The following NAV2 variants were observed in gnomAD, a reference collection of about 807,000 sequenced individuals.
The protein encoded by NAV2 is helicase, APC down-regulated 1.
In NAV2, 54 loss-of-function variants were observed where a neutral mutation model predicts 223.2. That is an observed-to-expected ratio of 0.24 (90% CI 0.19 to 0.30). The LOEUF (loss-of-function observed/expected upper bound fraction) is 0.30. NAV2 is among the 10% of genes least tolerant of loss of function. The pLI is 1.00. For missense variants in NAV2, 2,806 were observed against 3,147.5 expected, an observed-to-expected ratio of 0.89 and a Z score of 2.60; for synonymous variants, 1,279 against 1,239.3, an observed-to-expected ratio of 1.03 and a Z score of -0.67.
At chr11:20,092,501 G>A in intron 28 of NAV2, 133 bp downstream of exon 28, 1 of 882,590 alleles carries the variant, frequency 1.1e-6, no homozygotes. Context: ...CTTGGGGTGT[G>A]TATGTGTCTG....
In NAV2 at chr11:19,632,663, G is replaced by A. The variant is rs188796621; in HGVS notation, c.76-199821G>A. ...GTGTCTCCTGAAGCTATTATTGATG[G>A]CAGTTGTTCCTATCTCATCGGAATA... On this transcript the variant is annotated intron_variant, in intron 1 of 37. Coordinates refer to the NAV2 transcript ENST00000360655. 3.8e-3 allele frequency among the ~76,000 whole-genome samples: 574 copies of A among 152,262 alleles called. 7 individuals are homozygous for A. The highest frequency in any genetic ancestry group is 0.013 in the African/African-American group (536 of 41,536).
chr11:19,707,692 G>A (rs752096717), intron 1 of NAV2, among the ~76,000 whole-genome samples: 1 of 152,154 alleles, frequency 6.6e-6, no homozygotes, highest in Non-Finnish European at 1.5e-5. Context: ...CCATAACATA[G>A]TAATTTGTTA....
chr11:19,759,472 T>C (rs2054545766), intron 1 of NAV2, among the ~76,000 whole-genome samples: 1 of 152,084 alleles, frequency 6.6e-6, no homozygotes. Flanking sequence ...TTGAATTTAG[T>C]GTTAGGAAAA....
chr11:19,586,728 G>A (rs188871112), intron 1 of NAV2, among the ~76,000 whole-genome samples: 7 of 152,324 alleles, frequency 4.6e-5, no homozygotes, highest in East Asian at 1.9e-4. Context: ...CTGCCTGATC[G>A]TTCCTCTGGA....
In NAV2 at chr11:19,556,109, C is replaced by T. The variant is rs182821106; in HGVS notation, c.75+205082C>T. Among the ~76,000 whole-genome samples the T allele has an allele frequency of 3.3e-5, 5 of 152,230 alleles. No homozygotes were observed. The East Asian group carries it at 5.8e-4, about 18-fold the overall frequency. ...CCCCGGGGACCAGGAAGGGTGTCAG[C>T]GACTTGAAAATGTTCACTCTACCAC... On this transcript the variant is annotated intron_variant, in intron 1 of 37. Coordinates refer to the NAV2 transcript ENST00000360655.
rs1230839037 is a variant in NAV2 at position 20,098,853 on chromosome 11, G to T, written c.6181+1108G>T. ...ACACCTCAAGCACAGCTGGATCCAGGTGGTCAGACAGTGAATCAGGACCAG... is the reference window on the plus strand; with the variant it reads ...ACACCTCAAGCACAGCTGGATCCAGTTGGTCAGACAGTGAATCAGGACCAG... On this transcript the variant is annotated intron_variant, in intron 31 of 37. Transcript: ENST00000349880. Among the ~76,000 whole-genome samples the T allele has an allele frequency of 2.0e-5, 3 of 152,230 alleles. No homozygotes were observed. The East Asian group carries it at 5.8e-4, about 29-fold the overall frequency.
At chr11:19,785,773 C>G (rs1441519183) in intron 1 of NAV2, among the ~76,000 whole-genome samples, 24 of 152,048 alleles carry the variant, frequency 1.6e-4, no homozygotes, top group Non-Finnish European at 4.4e-5. Context: ...AGCTGTCTCA[C>G]TGTCTCTCTT....
intron 26 of NAV2, among the ~76,000 whole-genome samples, chr11:20,087,672 C>T (rs186644474): frequency 3.3e-5 from 5 of 152,242 alleles, no homozygotes; most frequent in Non-Finnish European, 7.3e-5. Context: ...AAGGTGTCTT[C>T]AGTAAGCAGT....
chr11:19,468,776 C>T (rs1308588109), intron 1 of NAV2, among the ~76,000 whole-genome samples: 1 of 152,134 alleles, frequency 6.6e-6, no homozygotes, highest in African/African-American at 2.4e-5. Flanking sequence ...ATTATTATTA[C>T]TGCATAGTGA....
At chr11:19,552,473 C>T (rs1219676861) in intron 1 of NAV2, among the ~76,000 whole-genome samples, 1 of 152,130 alleles carries the variant, frequency 6.6e-6, no homozygotes, top group African/African-American at 2.4e-5. Context: ...TGGCCACGGG[C>T]ACAGGAGCCA....
chr11:19,763,020 T>C (rs1228184162), intron 1 of NAV2, among the ~76,000 whole-genome samples: 3 of 152,296 alleles, frequency 2.0e-5, no homozygotes, highest in Non-Finnish European at 4.4e-5. Context: ...CACACTTGTA[T>C]TTACCTGCAA....
intron 1 of NAV2, among the ~76,000 whole-genome samples, chr11:19,665,695 C>T (rs977081279): frequency 6.6e-6 from 1 of 152,180 alleles, no homozygotes; most frequent in African/African-American, 2.4e-5. Context: ...TTCTCACCAT[C>T]AGAAGTATTT....
chr11:19,433,998 T>C (rs1338838893), intron 1 of NAV2, among the ~76,000 whole-genome samples: 6 of 152,182 alleles, frequency 3.9e-5, no homozygotes, highest in Non-Finnish European at 8.8e-5. Context: ...AGAAGTATCA[T>C]GCAGGAAGTG....
At chr11:19,559,300 G>A (rs540587363) in intron 1 of NAV2, among the ~76,000 whole-genome samples, 4 of 152,306 alleles carry the variant, frequency 2.6e-5, no homozygotes, top group Admixed American at 2.6e-4. Context: ...TGAAGCCCAG[G>A]TCTTTCTGAA....
intron 10 of NAV2, among the ~76,000 whole-genome samples, chr11:19,971,698 A>G (rs912887881): frequency 6.6e-6 from 1 of 152,118 alleles, no homozygotes; most frequent in African/African-American, 2.4e-5. Flanking sequence ...TTTTAACTCA[A>G]TGTTTTTCAA....
At chr11:19,396,332 G>T (rs1849446753) in intron 1 of NAV2, among the ~76,000 whole-genome samples, 1 of 152,120 alleles carries the variant, frequency 6.6e-6, no homozygotes, top group South Asian at 2.1e-4. Context: ...TCAAACCCAA[G>T]CAGGGGCCCA....
At chr11:19,834,767 A>G (rs2060141927) in intron 2 of NAV2, among the ~76,000 whole-genome samples, 2 of 152,216 alleles carry the variant, frequency 1.3e-5, no homozygotes, top group Admixed American at 6.5e-5. Flanking sequence ...GAGAGGTCTT[A>G]TATTCATTCC....
intron 11 of NAV2, 52 bp downstream of exon 11, chr11:19,984,299 GC>G (rs35295670): frequency 0.14 from 226,493 of 1,611,128 alleles, 20,655 homozygotes; most frequent in East Asian, 0.5. Flanking sequence ...TCCCAGGGGG[GC>G]CCTGAGAAAT....
rs768722671 is a variant in NAV2, at chr11:20,118,284, C to G, written c.*26C>G. ...CAGGGGCCCGGAGCCCAGCGCCCTCCTCTTCTCCTCACCGCATTCCACCTG... is the reference window on the plus strand; with the variant it reads ...CAGGGGCCCGGAGCCCAGCGCCCTCGTCTTCTCCTCACCGCATTCCACCTG... On this transcript the variant is annotated 3_prime_UTR_variant, in exon 38 of 38. Coordinates refer to ENST00000349880, the MANE Select transcript of NAV2 (RefSeq NM_145117.5). The G allele has an allele frequency of 1.2e-6, 2 of 1,611,960 alleles. No homozygotes were observed. Among genetic ancestry groups the G allele is most frequent in the Non-Finnish European group, 1.7e-6 (2 of 1,179,386 alleles).
Sources: gnomAD v4.1 joint callset for allele counts (sites outside exome capture counted in the v4.1 genomes callset) on GRCh38, gnomAD v4.1.1 for gene constraint, MANE v1.5 for transcripts, NCBI Gene and HGNC (gene_info 2026-07-23, HGNC 2026-07-21) for gene names.